PUS10: variants seen among roughly 807,000 people sequenced by gnomAD.
PUS10 encodes pseudouridine synthase 10.
A neutral mutation model predicts 75.0 loss-of-function variants in PUS10; 59 were observed. The ratio of observed to expected loss-of-function variants is 0.79; its 90% CI spans 0.64 to 0.98. PUS10 has a LOEUF of 0.98. PUS10 is among the 50% of genes least tolerant of loss of function. The pLI is 0.00. For missense variants in PUS10, 650 were observed against 614.4 expected, an observed-to-expected ratio of 1.06 and a Z score of -0.61; for synonymous variants, 219 against 211.6, an observed-to-expected ratio of 1.03 and a Z score of -0.30.
intron 3 of PUS10, among the ~76,000 whole-genome samples, 192 bp downstream of exon 3, chr2:61,008,569 G>A (rs1679391034): frequency 6.6e-6 from 1 of 152,132 alleles, no homozygotes; most frequent in African/African-American, 2.4e-5. Flanking sequence ...TGATGTAGGA[G>A]GATTGCTTGA....
intron 3 of PUS10, among the ~76,000 whole-genome samples, chr2:61,007,963 G>A (rs1272303064): frequency 6.6e-6 from 1 of 151,912 alleles, no homozygotes; most frequent in Non-Finnish European, 1.5e-5. Flanking sequence ...TGTAGTCCCA[G>A]CTACTCGGGA....
At chr2:60,943,313 A>G (rs768578521) in intron 17 of PUS10, among the ~76,000 whole-genome samples, 8 of 152,226 alleles carry the variant, frequency 5.3e-5, no homozygotes, top group Non-Finnish European at 1.2e-4. Context: ...GTTTCTTTAA[A>G]ATCCAGTTCA....
chr2:60,950,847 T>A (rs1182046677), intron 15 of PUS10, among the ~76,000 whole-genome samples: 1 of 152,250 alleles, frequency 6.6e-6, no homozygotes, highest in Non-Finnish European at 1.5e-5. Flanking sequence ...AAACACCATG[T>A]ACATATTCTT....
In PUS10 at chr2:60,948,054, A is replaced by T. The variant is rs370427472; in HGVS notation, c.1440T>A (p.Thr480=). ...DEHHFRLHLK[T]QAGTYIKEFV... ...AGGTGGAAGGATACGTGCCAGCCTG[A>T]GTTTTCAAGTGGAGGCGGAAGTGGT... Residue 480 remains threonine, a synonymous_variant, in exon 16 of 18, where the codon ACT becomes ACA. Coordinates refer to ENST00000316752, the MANE Select transcript of PUS10 (RefSeq NM_144709.4). The T allele has an allele frequency of 4.7e-5, 76 of 1,613,940 alleles. No homozygotes were observed. The highest frequency in any genetic ancestry group is 6.2e-5 in the Non-Finnish European group (73 of 1,180,000).
At chr2:61,010,745 G>A (rs1679544665) in intron 2 of PUS10, 4 of 1,545,844 alleles carry the variant, frequency 2.6e-6, no homozygotes, top group Non-Finnish European at 3.5e-6. Flanking sequence ...GGAAAGTGGT[G>A]GAACTGGGAT....
intron 5 of PUS10, among the ~76,000 whole-genome samples, chr2:60,970,816 G>T (rs1167183890): frequency 6.6e-6 from 1 of 152,082 alleles, no homozygotes; most frequent in Non-Finnish European, 1.5e-5. Flanking sequence ...ACTCACTGTT[G>T]TTCCACCAGT....
chr2:60,980,748 G>A lies in PUS10; in HGVS notation c.469-9191C>T, dbSNP rs368187536. Among the ~76,000 whole-genome samples, 59 of 152,292 alleles carry A rather than the reference G, an allele frequency of 3.9e-4. 1 individual carries two copies. In the South Asian group the frequency reaches 0.011, roughly 29 times the overall value. The stretch of plus-strand genomic sequence containing the variant: ...CATGTAAAATGTAATTATATATATA[G>A]ATGAAGATATATACACACGTACAGT... On this transcript the variant is annotated intron_variant, in intron 4 of 17. Transcript: ENST00000316752.
At chr2:60,982,856 G>T (rs893392322) in intron 4 of PUS10, among the ~76,000 whole-genome samples, 1 of 151,166 alleles carries the variant, frequency 6.6e-6, no homozygotes, top group Admixed American at 6.6e-5. Flanking sequence ...TTGAGACAGG[G>T]TCTCTTTCTG....
At chr2:60,968,526 A>G (rs1342442022) in intron 5 of PUS10, among the ~76,000 whole-genome samples, 1 of 152,134 alleles carries the variant, frequency 6.6e-6, no homozygotes, top group African/African-American at 2.4e-5. Context: ...TATAGGCAAC[A>G]TCCATTGTAA....
chr2:60,955,321 T>TTTTA (rs995449873), intron 11 of PUS10, among the ~76,000 whole-genome samples: 3 of 151,900 alleles, frequency 2.0e-5, no homozygotes, highest in South Asian at 4.2e-4. Context: ...ATAATTTAAA[T>TTTTA]TTTATTTATT....
chr2:60,998,252 A>G (rs1313830219), intron 4 of PUS10, among the ~76,000 whole-genome samples: 1 of 152,170 alleles, frequency 6.6e-6, no homozygotes, highest in African/African-American at 2.4e-5. Flanking sequence ...CACATACAAA[A>G]TTTTTAGTAT....
chr2:60,979,027 C>T (rs1015872742), intron 4 of PUS10, among the ~76,000 whole-genome samples: 10 of 152,030 alleles, frequency 6.6e-5, no homozygotes, highest in Admixed American at 5.9e-4. Flanking sequence ...AGAATAATGA[C>T]AATAGAAAAA....
intron 4 of PUS10, among the ~76,000 whole-genome samples, chr2:60,972,655 C>G (rs13418713): frequency 0.021 from 3,183 of 152,132 alleles, 113 homozygotes; most frequent in African/African-American, 0.072. Flanking sequence ...CAATAAATAC[C>G]ACATGTAGTC....
chr2:61,001,067 A>C (rs1230090211), intron 4 of PUS10, among the ~76,000 whole-genome samples: 1 of 152,196 alleles, frequency 6.6e-6, no homozygotes, highest in Non-Finnish European at 1.5e-5. Flanking sequence ...TAAAGGACAG[A>C]AGCAAAACAG....
At chr2:60,970,464 T>C (rs1292002356) in intron 5 of PUS10, among the ~76,000 whole-genome samples, 1 of 152,222 alleles carries the variant, frequency 6.6e-6, no homozygotes, top group East Asian at 1.9e-4. Context: ...TTTTTTTTAC[T>C]GGTATGTTTT....
At chr2:60,965,522 G>A (rs1676287646) in intron 6 of PUS10, 38 bp from the exon 7 acceptor site, 2 of 1,376,560 alleles carry the variant, frequency 1.5e-6, no homozygotes, top group Non-Finnish European at 2.0e-6. Context: ...TGAGCAAAAG[G>A]AAACTAACAT....
intron 1 of PUS10, among the ~76,000 whole-genome samples, chr2:61,016,605 G>A (rs546688388): frequency 6.6e-6 from 1 of 152,290 alleles, no homozygotes; most frequent in East Asian, 1.9e-4. Context: ...TTGCTACAAA[G>A]CCGCCTTTCA....
intron 15 of PUS10, 21 bp downstream of exon 15, chr2:60,952,976 G>A: frequency 8.2e-7 from 1 of 1,221,166 alleles, no homozygotes; most frequent in East Asian, 2.3e-5. Context: ...GAAATAAAAA[G>A]AATAAGCACA....
intron 1 of PUS10, among the ~76,000 whole-genome samples, chr2:61,013,880 T>C (rs1001418704): frequency 5.3e-5 from 8 of 151,818 alleles, no homozygotes; most frequent in Non-Finnish European, 7.4e-5. Flanking sequence ...CAAAAATTAG[T>C]TGGGTGTGGT....
Sources: allele counts gnomAD v4.1 joint callset (sites outside exome capture counted in the v4.1 genomes callset), GRCh38; gene constraint gnomAD v4.1.1; transcripts MANE v1.5; gene names NCBI Gene and HGNC (gene_info 2026-07-23, HGNC 2026-07-21).